Variants in NBN observed in about 807,000 individuals in gnomAD.
The protein encoded by NBN is Nijmegen breakage syndrome 1 (nibrin).
A neutral mutation model predicts 90.8 loss-of-function variants in NBN; 88 were observed. The ratio of observed to expected loss-of-function variants is 0.97; its 90% CI spans 0.82 to 1.16. The LOEUF (loss-of-function observed/expected upper bound fraction) is 1.16. NBN is among the 50% of genes most tolerant of loss of function. The pLI is 0.00. For missense variants in NBN, 894 were observed against 869.6 expected (o/e 1.03, Z -0.35); for synonymous variants, 328 against 295.1 (o/e 1.11, Z -1.14).
chr8:89,983,772 TAA>T (rs1247627824), intron 1 of NBN, among the ~76,000 whole-genome samples: 1 of 152,050 alleles, frequency 6.6e-6, no homozygotes, highest in African/African-American at 2.4e-5. Flanking sequence ...TTAGGGCAGA[TAA>T]AGAGTAGGGA....
At chr8:89,943,486 C>A (rs2061941726) in intron 13 of NBN, 120 bp from the exon 14 acceptor site, 1 of 1,063,144 alleles carries the variant, frequency 9.4e-7, no homozygotes, top group Admixed American at 2.0e-5. Context: ...TGTTTATATT[C>A]TACAAATAAA....
intron 14 of NBN, among the ~76,000 whole-genome samples, chr8:89,939,721 G>A (rs1038630484): frequency 4.6e-5 from 7 of 152,160 alleles, no homozygotes; most frequent in African/African-American, 1.4e-4. Context: ...AACCTGAACA[G>A]GGAAAACAAC....
intron 7 of NBN, among the ~76,000 whole-genome samples, chr8:89,968,862 A>G (rs1056417558): frequency 1.3e-5 from 2 of 152,230 alleles, no homozygotes; most frequent in Non-Finnish European, 2.9e-5. Flanking sequence ...TCCAGTGCCT[A>G]AAACACAATG....
chr8:89,982,430 AAAC>A, intron 2 of NBN: 1 of 432,242 alleles, frequency 2.3e-6, no homozygotes, highest in Non-Finnish European at 4.2e-6. Flanking sequence ...AACTAATAGT[AAAC>A]AATAAATGTT....
At chr8:89,945,706 ATATATT>A (rs1810154448) in intron 13 of NBN, among the ~76,000 whole-genome samples, 1 of 152,160 alleles carries the variant, frequency 6.6e-6, no homozygotes, top group Non-Finnish European at 1.5e-5. Context: ...TACTCAGCAT[ATATATT>A]TATATTGTGT....
At chr8:89,981,185 A>T (rs1436478349) in intron 3 of NBN, among the ~76,000 whole-genome samples, 190 bp downstream of exon 3, 2 of 152,166 alleles carry the variant, frequency 1.3e-5, no homozygotes, top group Non-Finnish European at 2.9e-5. Context: ...GAAGTCCCTC[A>T]GGGCCCACTC....
At chr8:89,967,508 T>C (rs1457110409) in intron 7 of NBN, among the ~76,000 whole-genome samples, 4 of 152,176 alleles carry the variant, frequency 2.6e-5, no homozygotes, top group African/African-American at 9.7e-5. Context: ...GTATTACGCA[T>C]AAATCAATGA....
chr8:89,958,610 A>G, intron 9 of NBN, 115 bp downstream of exon 9: 1 of 1,269,932 alleles, frequency 7.9e-7, no homozygotes, highest in Non-Finnish European at 1.1e-6. Context: ...CTGGTATCCC[A>G]TTCTTCCATG....
Position 89,946,226 on chromosome 8 carries a change from G to T in NBN, c.1984C>A (p.Leu662Met). The T allele has an allele frequency of 6.3e-7, 1 of 1,592,418 alleles. No homozygotes were observed. The highest frequency in any genetic ancestry group is 8.6e-7 in the Non-Finnish European group (1 of 1,160,680). ...KKLLLTEFRS[L>M]VIKNSTSRNP... ...CTGGAAGTAGAGTTTTTAATCACCA[G>T]TGATCTAAATTCAGTCAATAACAGC... The change falls in exon 13 of 16, where the codon CTG (leucine) becomes ATG (methionine). Residue 662 changes from leucine to methionine, a missense_variant. Physicochemically the swap from Leu to Met is conservative, Grantham distance 15. Transcript: ENST00000265433.
chr8:89,946,313 T>C lies in NBN; in HGVS notation c.1915-18A>G. On this transcript the variant is annotated intron_variant, in intron 12 of 15. Transcript: ENST00000265433. ...TCATTGTTCTTAAATGGGGTTAAGA[T>C]GGATAGGTAAGAAAGAGAAGAAATA... is the stretch of plus-strand genomic sequence containing the variant. 6.4e-7 allele frequency: 1 copy of C among 1,559,692 alleles called. No individual in the cohort carries two copies. The highest frequency in any genetic ancestry group is 2.3e-5 in the East Asian group (1 of 44,424).
chr8:89,943,201 A>G, intron 14 of NBN, 52 bp downstream of exon 14: 1 of 1,602,504 alleles, frequency 6.2e-7, no homozygotes, highest in Non-Finnish European at 8.5e-7. Context: ...AGGCCACCAT[A>G]ATGGACCAAA....
chr8:89,959,164 C>CA (rs989231728), intron 8 of NBN, among the ~76,000 whole-genome samples: 7 of 152,076 alleles, frequency 4.6e-5, no homozygotes, highest in Non-Finnish European at 8.8e-5. Context: ...GTCAGTGGGC[C>CA]AAAAAATTAC....
rs1563584220 is a variant in NBN at position 89,982,772 on chromosome 8, T to C, written c.121A>G (p.Ile41Val). The C allele has an allele frequency of 6.2e-7, 1 of 1,614,030 alleles. No homozygotes were observed. Among genetic ancestry groups the C allele is most frequent in the Non-Finnish European group, 8.5e-7 (1 of 1,179,942 alleles). ...CAILIENDQS[I>V]SRNHAVLTAN... ...GTTAACACAGCATGATTTCGGCTGATCGACTGATCATTTTCAATCAGAATG... is the reference window on the plus strand; with the variant it reads ...GTTAACACAGCATGATTTCGGCTGACCGACTGATCATTTTCAATCAGAATG... The change falls in exon 2 of 16, where the codon ATC becomes GTC. Residue 41 changes from isoleucine (I) to valine (V), a missense_variant. Transcript: ENST00000265433.
Position 89,935,386 on chromosome 8 carries a change from G to A in NBN, c.*196C>T. On this transcript the variant is annotated 3_prime_UTR_variant, in exon 16 of 16. Transcript: ENST00000265433. ...TTTAAAAATGAAAAAAAGATGCAAT[G>A]ACAAAGCCTGAAAACAGAACAAACA... is the stretch of plus-strand genomic sequence containing the variant. 1 of 595,202 alleles carries A rather than the reference G, an allele frequency of 1.7e-6. No individual in the cohort carries two copies. The highest frequency in any genetic ancestry group is 2.1e-5 in the South Asian group (1 of 47,176). 36.9% of individuals were successfully genotyped at this position (595,202 alleles called of 1,614,324 possible).
At chr8:89,942,047 C>T (rs576328319) in intron 14 of NBN, among the ~76,000 whole-genome samples, 8 of 152,250 alleles carry the variant, frequency 5.3e-5, no homozygotes, top group African/African-American at 1.9e-4. Flanking sequence ...AAAACCTGAA[C>T]TCTGCTTTAA....
chr8:89,984,644 C>A lies in NBN; in HGVS notation c.-83G>T. 1 of 1,580,390 alleles carries A rather than the reference C, an allele frequency of 6.3e-7. No homozygotes were observed. Among genetic ancestry groups the A allele is most frequent in the South Asian group, 1.1e-5 (1 of 87,458 alleles). ...CGAGCGCGGATACGGCGCCTGCGGT[C>A]GGCATGGGCTCCGGGACGTGCGCGC... is the stretch of plus-strand genomic sequence containing the variant. On this transcript the variant is annotated 5_prime_UTR_variant, in exon 1 of 16. Transcript: ENST00000265433.
intron 4 of NBN, among the ~76,000 whole-genome samples, chr8:89,979,882 T>C (rs1805837): frequency 0.042 from 6,342 of 152,274 alleles, 272 homozygotes; most frequent in East Asian, 0.19. Flanking sequence ...ACCAAGCTAG[T>C]GTATGATTAC....
chr8:89,975,078 C>G (rs967178934), intron 5 of NBN, among the ~76,000 whole-genome samples: 2 of 152,188 alleles, frequency 1.3e-5, no homozygotes. Flanking sequence ...TTAAACACTC[C>G]TTTTAAATGT....
chr8:89,953,774 T>C (rs1810570387), intron 10 of NBN, 83 bp from the exon 11 acceptor site: 2 of 1,015,872 alleles, frequency 2.0e-6, no homozygotes, highest in Non-Finnish European at 2.9e-6. Flanking sequence ...TATTCATCAC[T>C]CCCTCCATTT....
Sources: gnomAD v4.1 joint callset for allele counts (sites outside exome capture counted in the v4.1 genomes callset) on GRCh38, gnomAD v4.1.1 for gene constraint, MANE v1.5 for transcripts, NCBI Gene and HGNC (gene_info 2026-07-23, HGNC 2026-07-21) for gene names.